The following CNTN4 variants were observed in gnomAD, a reference collection of about 807,000 sequenced individuals.
CNTN4 encodes the protein contactin-4.
CNTN4 carries 77 observed loss-of-function variants against 122.5 expected under a neutral mutation model. The observed-to-expected ratio is 0.63, with a 90% confidence interval of 0.52 to 0.76. CNTN4 has a LOEUF of 0.76. Ranked by LOEUF, CNTN4 falls within the 30% of genes least tolerant of loss-of-function variation. CNTN4 has a pLI of 0.00. For missense variants in CNTN4, 1,256 were observed against 1,259.1 expected, an observed-to-expected ratio of 1.00 and a Z score of 0.04; for synonymous variants, 512 against 447.0, an observed-to-expected ratio of 1.15 and a Z score of -1.83.
At chr3:2,579,607 A>G (rs1016912733) in intron 4 of CNTN4, among the ~76,000 whole-genome samples, 4 of 152,158 alleles carry the variant, frequency 2.6e-5, no homozygotes, top group South Asian at 2.1e-4. Flanking sequence ...AGGATTGAGA[A>G]CGTGCATATA....
chr3:2,197,786 C>T (rs2037915602), intron 2 of CNTN4, among the ~76,000 whole-genome samples: 1 of 152,064 alleles, frequency 6.6e-6, no homozygotes, highest in African/African-American at 2.4e-5. Context: ...GAGGCTGAGG[C>T]AGTTGGATCA....
At chr3:2,180,191 C>G (rs1259572362) in intron 2 of CNTN4, among the ~76,000 whole-genome samples, 8 of 151,902 alleles carry the variant, frequency 5.3e-5, no homozygotes, top group Admixed American at 2.0e-4. Context: ...ATACATCTAG[C>G]CTAAAACATT....
At chr3:2,167,279 G>T (rs2036237682) in intron 2 of CNTN4, among the ~76,000 whole-genome samples, 1 of 152,058 alleles carries the variant, frequency 6.6e-6, no homozygotes, top group African/African-American at 2.4e-5. Context: ...AAAAATGATT[G>T]CCACCTCATG....
chr3:2,455,034 G>T (rs1244212939), intron 3 of CNTN4, among the ~76,000 whole-genome samples: 1 of 146,846 alleles, frequency 6.8e-6, no homozygotes, highest in Non-Finnish European at 1.5e-5. Flanking sequence ...ATCTGTTAGT[G>T]GCCTTAGGGA....
chr3:2,895,831 G>A (rs11707602), intron 10 of CNTN4, among the ~76,000 whole-genome samples: 12 of 152,014 alleles, frequency 7.9e-5, no homozygotes, highest in Non-Finnish European at 1.3e-4. Flanking sequence ...TCAGGAGATC[G>A]AGACCATCCT....
chr3:2,141,382 G>A (rs549372339), intron 2 of CNTN4, among the ~76,000 whole-genome samples: 1 of 152,154 alleles, frequency 6.6e-6, no homozygotes, highest in Admixed American at 6.5e-5. Context: ...AGATGAAAGA[G>A]GACCATAAGC....
At chr3:2,545,605 G>T (rs1366543958) in intron 3 of CNTN4, among the ~76,000 whole-genome samples, 2 of 147,878 alleles carry the variant, frequency 1.4e-5, no homozygotes, top group African/African-American at 4.9e-5. Context: ...ACCCTTTACT[G>T]TTATGTAATG....
chr3:2,110,020 T>C (rs1395108190), intron 2 of CNTN4, among the ~76,000 whole-genome samples: 1 of 152,266 alleles, frequency 6.6e-6, no homozygotes, highest in Admixed American at 6.5e-5. Context: ...TTTAATATAA[T>C]AGTATCTTTT....
intron 6 of CNTN4, among the ~76,000 whole-genome samples, chr3:2,776,170 C>T (rs937423744): frequency 6.6e-6 from 1 of 151,946 alleles, no homozygotes; most frequent in Non-Finnish European, 1.5e-5. Context: ...GATTTGAGGG[C>T]CCCTCTTATA....
chr3:2,136,776 C>T (rs577244009), intron 2 of CNTN4, among the ~76,000 whole-genome samples: 1 of 151,598 alleles, frequency 6.6e-6, no homozygotes, highest in Admixed American at 6.6e-5. Context: ...TTACAGATAC[C>T]ACTCAAAAGA....
intron 2 of CNTN4, among the ~76,000 whole-genome samples, chr3:2,317,822 CTG>C (rs1458773892): frequency 6.6e-6 from 1 of 152,154 alleles, no homozygotes. Context: ...AACTCAGAGT[CTG>C]TGTCCCAGAG....
At chr3:2,381,561 T>G (rs928503142) in intron 3 of CNTN4, among the ~76,000 whole-genome samples, 8 of 152,156 alleles carry the variant, frequency 5.3e-5, no homozygotes, top group African/African-American at 1.9e-4. Flanking sequence ...ATATAAAATA[T>G]GTAAAAGCGC....
intron 3 of CNTN4, among the ~76,000 whole-genome samples, chr3:2,547,011 C>A (rs1340370989): frequency 6.6e-6 from 1 of 152,020 alleles, no homozygotes; most frequent in Non-Finnish European, 1.5e-5. Flanking sequence ...TGCACCAGAA[C>A]ATCTAAGACA....
intron 14 of CNTN4, among the ~76,000 whole-genome samples, chr3:3,014,047 TAC>T (rs10546128): frequency 0.38 from 55,406 of 146,184 alleles, 10,336 homozygotes; most frequent in South Asian, 0.52. Context: ...CATTTAAATG[TAC>T]ACACACACAC....
At chr3:2,426,005 T>A (rs2047815432) in intron 3 of CNTN4, among the ~76,000 whole-genome samples, 2 of 152,178 alleles carry the variant, frequency 1.3e-5, no homozygotes, top group African/African-American at 4.8e-5. Context: ...CAATCATGTC[T>A]TCTGCAAGCA....
At chr3:2,529,602 G>A (rs1312812099) in intron 3 of CNTN4, among the ~76,000 whole-genome samples, 3 of 152,044 alleles carry the variant, frequency 2.0e-5, no homozygotes, top group Non-Finnish European at 1.5e-5. Context: ...AAATGACATA[G>A]CCTATCTGTC....
chr3:2,695,597 G>A (rs1386583061), intron 4 of CNTN4, among the ~76,000 whole-genome samples: 1 of 152,152 alleles, frequency 6.6e-6, no homozygotes, highest in Non-Finnish European at 1.5e-5. Context: ...ACCAGCAGAG[G>A]GATATTGGGG....
intron 13 of CNTN4, among the ~76,000 whole-genome samples, chr3:2,949,239 A>G (rs970612489): frequency 1.3e-5 from 2 of 152,140 alleles, no homozygotes; most frequent in African/African-American, 4.8e-5. Context: ...TTGTCTTTGC[A>G]GAGAGACCTC....
chr3:2,998,246 G>A (rs530357468), intron 14 of CNTN4, among the ~76,000 whole-genome samples: 6 of 152,268 alleles, frequency 3.9e-5, no homozygotes, highest in Non-Finnish European at 7.4e-5. Flanking sequence ...TTGATGAAGG[G>A]ACACTCTGAT....
Sources: allele counts gnomAD v4.1 joint callset (sites outside exome capture counted in the v4.1 genomes callset), GRCh38; gene constraint gnomAD v4.1.1; transcripts MANE v1.5; gene names NCBI Gene and HGNC (gene_info 2026-07-23, HGNC 2026-07-21).